Variants in LRP8 observed in about 807,000 individuals in gnomAD.
LRP8 encodes LDL receptor related protein 8.
Under a neutral mutation model 111.6 loss-of-function variants are expected in LRP8, and 46 were observed. The observed-to-expected ratio is 0.41, with a 90% CI of 0.33 to 0.53. The LOEUF (loss-of-function observed/expected upper bound fraction) is 0.53, where lower values mean the gene tolerates loss of function less well. LRP8 is among the 20% of genes least tolerant of loss of function. The probability of loss-of-function intolerance (pLI) is 0.20; values close to 1 mark genes in which losing one functional copy is unlikely to be tolerated. For missense variants in LRP8, 959 were observed against 1,297.4 expected (o/e 0.74, Z 4.01); for synonymous variants, 464 against 511.2 (o/e 0.91, Z 1.24).
At chr1:53,282,411 C>G (rs1030010262) in intron 3 of LRP8, among the ~76,000 whole-genome samples, 3 of 152,168 alleles carry the variant, frequency 2.0e-5, no homozygotes, top group Non-Finnish European at 2.9e-5. Flanking sequence ...AGTACTAACC[C>G]TCAAAGGCCT....
chr1:53,269,594 C>T (rs1172710758), intron 8 of LRP8, among the ~76,000 whole-genome samples: 8 of 152,068 alleles, frequency 5.3e-5, no homozygotes, highest in African/African-American at 1.2e-4. Flanking sequence ...GGATTACAAG[C>T]GTGAGCCACC....
At chr1:53,297,235 CT>C (rs1649903165) in intron 2 of LRP8, among the ~76,000 whole-genome samples, 2 of 152,350 alleles carry the variant, frequency 1.3e-5, no homozygotes, top group African/African-American at 4.8e-5. Flanking sequence ...CCCTAAGCCC[CT>C]GTGACAAGAC....
At chr1:53,310,324 A>G (rs1652763203) in intron 2 of LRP8, among the ~76,000 whole-genome samples, 1 of 151,878 alleles carries the variant, frequency 6.6e-6, no homozygotes. Flanking sequence ...ATGCTCCAGG[A>G]GGTCTTCCTC....
chr1:53,274,309 C>T (rs994485981), intron 6 of LRP8, among the ~76,000 whole-genome samples: 4 of 152,346 alleles, frequency 2.6e-5, no homozygotes, highest in South Asian at 4.1e-4. Flanking sequence ...CCCACTTCTC[C>T]CTCTGCTGGG....
chr1:53,298,226 G>T (rs1371611529), intron 2 of LRP8, among the ~76,000 whole-genome samples: 1 of 152,236 alleles, frequency 6.6e-6, no homozygotes, highest in East Asian at 1.9e-4. Flanking sequence ...CCTTGCTGGG[G>T]TATGTAGGCC....
chr1:53,318,287 C>T (rs544554877), intron 2 of LRP8, among the ~76,000 whole-genome samples: 5 of 151,846 alleles, frequency 3.3e-5, no homozygotes, highest in South Asian at 2.1e-4. Flanking sequence ...GCCAGAACAC[C>T]GCTCGTTGTT....
Position 53,249,520 on chromosome 1 carries a change from G to C in LRP8, c.2713C>G (p.Pro905Ala), listed in dbSNP as rs370982113. ...SSFDRPLWAE[P>A]CLGETREPED... ...GGTTCTCTGGTCTCCCCAAGACAGG[G>C]CTCTGCCCACAGTGGGCGATCAAAG... Residue 905 changes from proline (P) to alanine (A), a missense_variant, in exon 18 of 19, where the codon CCC (proline) becomes GCC (alanine). This residue lies in a region of LRP8 where 819 missense variants were observed against 1,097.6 expected (regional missense o/e 0.75). Coordinates refer to ENST00000306052, the MANE Select transcript of LRP8 (RefSeq NM_004631.5). The surrounding 1 kb of genome is among the most constrained non-coding windows in gnomAD (Gnocchi z 4.1). 6.2e-7 allele frequency: 1 copy of C among 1,611,968 alleles called. No homozygotes were observed. The highest frequency in any genetic ancestry group is 1.1e-5 in the South Asian group (1 of 90,866).
At chr1:53,312,308 G>C (rs1653148386) in intron 2 of LRP8, among the ~76,000 whole-genome samples, 1 of 152,202 alleles carries the variant, frequency 6.6e-6, no homozygotes, top group African/African-American at 2.4e-5. Flanking sequence ...GACCTTCCAA[G>C]ATCCTCTGTT....
rs1646462921 is a variant in LRP8 at position 53,264,257 on chromosome 1, C to T, written c.1567G>A (p.Val523Met). Residue 523 changes from valine to methionine, a missense_variant, in exon 10 of 19, where the codon GTG (valine) becomes ATG (methionine). Physicochemically the swap from Val to Met is conservative, Grantham distance 21. Coordinates refer to ENST00000306052, the MANE Select transcript of LRP8 (RefSeq NM_004631.5). The part of the protein sequence containing the change: ...WTDSGNKTIS[V>M]ATVDGGRRRT... ...CGGCGGCCACCATCAACTGTGGCCA[C>T]TGAGATGGTCTTATTGCCCGAGTCA... 2 of 1,614,050 alleles carry T rather than the reference C, an allele frequency of 1.2e-6. No individual in the cohort carries two copies. Among genetic ancestry groups the T allele is most frequent in the South Asian group, 2.2e-5 (2 of 91,088 alleles).
intron 14 of LRP8, 97 bp from the exon 15 acceptor site, chr1:53,257,561 A>T (rs1405493431): frequency 8.0e-6 from 7 of 873,460 alleles, no homozygotes; most frequent in Non-Finnish European, 1.3e-5. Context: ...TTCATGGCGT[A>T]GCTCAAATGC....
At chr1:53,299,392 C>A (rs1043786664) in intron 2 of LRP8, among the ~76,000 whole-genome samples, 1 of 152,236 alleles carries the variant, frequency 6.6e-6, no homozygotes, top group Non-Finnish European at 1.5e-5. Flanking sequence ...GTAGGAGAAG[C>A]ATTTCCTAGC....
Position 53,250,705 on chromosome 1 carries a change from G to C in LRP8, c.2661C>G (p.Gly887=), listed in dbSNP as rs769641206. Residue 887 remains glycine, a synonymous_variant, in exon 17 of 19, where the codon GGC becomes GGG. Coordinates refer to ENST00000306052, the MANE Select transcript of LRP8 (RefSeq NM_004631.5). This position sits in a 1 kb window ranked among gnomAD's most constrained non-coding sequence, Gnocchi z 4.6. ...ELHIGRTAQI[G]HVYPAAISSF... ...AAATACTTACTGCAGGATAGACATG[G>C]CCAATCTGAGCAGTTCTCCCTATAT... 6.2e-7 allele frequency: 1 copy of C among 1,613,942 alleles called. No individual in the cohort carries two copies. Among genetic ancestry groups the C allele is most frequent in the Non-Finnish European group, 8.5e-7 (1 of 1,179,858 alleles).
At chr1:53,315,935 C>A (rs1337370194) in intron 2 of LRP8, among the ~76,000 whole-genome samples, 1 of 152,092 alleles carries the variant, frequency 6.6e-6, no homozygotes, top group Non-Finnish European at 1.5e-5. Context: ...GTGGGAGAGA[C>A]CAAGGGCCAG....
chr1:53,308,135 C>A (rs1183044358), intron 2 of LRP8, among the ~76,000 whole-genome samples: 2 of 152,236 alleles, frequency 1.3e-5, no homozygotes, highest in African/African-American at 4.8e-5. Flanking sequence ...GCGAGGCTTT[C>A]CTGACATGGA....
intron 2 of LRP8, among the ~76,000 whole-genome samples, chr1:53,291,463 G>A (rs954709776): frequency 2.6e-5 from 4 of 152,042 alleles, no homozygotes; most frequent in African/African-American, 4.8e-5. Flanking sequence ...CTCAACTGCC[G>A]GTGGGTCCTC....
intron 2 of LRP8, among the ~76,000 whole-genome samples, chr1:53,299,173 G>A (rs1349098080): frequency 6.6e-6 from 1 of 152,178 alleles, no homozygotes; most frequent in Non-Finnish European, 1.5e-5. Context: ...TGCCTGTGTG[G>A]AGCAAATGAT....
At chr1:53,247,110 T>A in intron 18 of LRP8, 54 bp from the exon 19 acceptor site, 1 of 1,422,268 alleles carries the variant, frequency 7.0e-7, no homozygotes, top group Non-Finnish European at 9.7e-7. Flanking sequence ...TTACTATTTA[T>A]TTAGTATTGA....
intron 2 of LRP8, 62 bp from the exon 3 acceptor site, chr1:53,289,751 C>G: frequency 6.3e-7 from 1 of 1,597,106 alleles, no homozygotes; most frequent in Non-Finnish European, 8.5e-7. Flanking sequence ...GTGGGCCGAC[C>G]AGGATGTGCT....
intron 4 of LRP8, among the ~76,000 whole-genome samples, chr1:53,277,920 G>A (rs1646980541): frequency 6.6e-6 from 1 of 152,224 alleles, no homozygotes. Flanking sequence ...GTGAGTGGGT[G>A]TGGAGTGGAT....
Sources: allele counts gnomAD v4.1 joint callset (sites outside exome capture counted in the v4.1 genomes callset), GRCh38; gene constraint gnomAD v4.1.1; regional missense constraint gnomAD v4.1.1; non-coding constraint Gnocchi (gnomAD v3.1); transcripts MANE v1.5; gene names NCBI Gene and HGNC (gene_info 2026-07-23, HGNC 2026-07-21).